ADAMTSL1: variants seen among roughly 807,000 people sequenced by gnomAD.
ADAMTSL1 encodes the protein ADAMTS like 1.
In ADAMTSL1, 126 loss-of-function variants were observed where a neutral mutation model predicts 201.8. That is an observed-to-expected ratio of 0.62 (90% CI 0.54 to 0.72). The LOEUF is 0.72. Among genes scored for constraint, ADAMTSL1 ranks in the 30% least tolerant of loss-of-function variants. The pLI is 0.00. For missense variants in ADAMTSL1, 2,679 were observed against 2,277.8 expected (o/e 1.18, Z -3.59); for synonymous variants, 1,121 against 903.4 (o/e 1.24, Z -4.32).
chr9:17,984,918 C>A (rs1449164387), intron 1 of ADAMTSL1, among the ~76,000 whole-genome samples: 1 of 152,130 alleles, frequency 6.6e-6, no homozygotes, highest in African/African-American at 2.4e-5. Flanking sequence ...TTTTCAAAAT[C>A]AATGTTTTTT....
At chr9:18,867,771 C>T (rs1435256473) in intron 23 of ADAMTSL1, among the ~76,000 whole-genome samples, 2 of 152,004 alleles carry the variant, frequency 1.3e-5, no homozygotes, top group East Asian at 3.9e-4. Context: ...GGACTACAGG[C>T]GCCTGCCACC....
At chr9:18,056,565 G>C (rs1822195568) in intron 1 of ADAMTSL1, among the ~76,000 whole-genome samples, 1 of 152,080 alleles carries the variant, frequency 6.6e-6, no homozygotes, top group Non-Finnish European at 1.5e-5. Context: ...TTGTTGGCGA[G>C]GTATATTTCT....
chr9:18,775,154 C>A (rs376963188), intron 17 of ADAMTSL1, among the ~76,000 whole-genome samples: 40 of 152,152 alleles, frequency 2.6e-4, no homozygotes, highest in African/African-American at 9.4e-4. Flanking sequence ...TTTAACAATG[C>A]ATTTGGGATT....
intron 2 of ADAMTSL1, among the ~76,000 whole-genome samples, chr9:18,168,036 T>C (rs1307816601): frequency 6.6e-6 from 1 of 152,042 alleles, no homozygotes; most frequent in Non-Finnish European, 1.5e-5. Flanking sequence ...TAACATTTAA[T>C]CGCAAATGTA....
At chr9:18,481,038 G>A (rs1322708237) in intron 1 of ADAMTSL1, among the ~76,000 whole-genome samples, 2 of 152,178 alleles carry the variant, frequency 1.3e-5, no homozygotes, top group African/African-American at 4.8e-5. Flanking sequence ...ATGCTGAGAA[G>A]CTGAAACCAG....
chr9:18,548,266 T>C (rs1351414865), intron 3 of ADAMTSL1, among the ~76,000 whole-genome samples: 1 of 152,092 alleles, frequency 6.6e-6, no homozygotes, highest in Non-Finnish European at 1.5e-5. Context: ...TCTGCCTTCC[T>C]GTTTGAGCTC....
At chr9:18,256,046 C>G (rs770265473) in intron 2 of ADAMTSL1, among the ~76,000 whole-genome samples, 2 of 152,180 alleles carry the variant, frequency 1.3e-5, no homozygotes, top group Non-Finnish European at 2.9e-5. Context: ...TTTGAAGATG[C>G]TCTTCCAACC....
intron 12 of ADAMTSL1, among the ~76,000 whole-genome samples, chr9:18,684,202 A>G (rs950291076): frequency 6.6e-6 from 1 of 152,222 alleles, no homozygotes; most frequent in African/African-American, 2.4e-5. Context: ...TTGGGGTAGT[A>G]CTGAATGAGT....
intron 6 of ADAMTSL1, among the ~76,000 whole-genome samples, chr9:18,637,905 A>G (rs1827200560): frequency 6.6e-6 from 1 of 152,140 alleles, no homozygotes. Flanking sequence ...AGATGCTCAG[A>G]TCAGGCCTAC....
chr9:18,453,962 C>T (rs2131681560), intron 2 of ADAMTSL1, among the ~76,000 whole-genome samples: 1 of 152,332 alleles, frequency 6.6e-6, no homozygotes, highest in South Asian at 2.1e-4. Flanking sequence ...GTACCAAAAT[C>T]TGTATTAGTC....
At chr9:18,506,178 G>A (rs938466910) in intron 2 of ADAMTSL1, among the ~76,000 whole-genome samples, 6 of 152,164 alleles carry the variant, frequency 3.9e-5, no homozygotes, top group Non-Finnish European at 5.9e-5. Context: ...TCGAATCAAC[G>A]AGAACCTTGA....
chr9:18,504,043 A>G (rs1822991205), intron 1 of ADAMTSL1, among the ~76,000 whole-genome samples: 1 of 151,802 alleles, frequency 6.6e-6, no homozygotes, highest in African/African-American at 2.4e-5. Context: ...AATTTGTAAA[A>G]AGGGAAATTG....
intron 23 of ADAMTSL1, among the ~76,000 whole-genome samples, chr9:18,853,918 T>TGTGTGTGTGTGTGTGTGCGCGCGC (rs139332733): frequency 2.8e-5 from 4 of 145,382 alleles, no homozygotes; most frequent in East Asian, 4.0e-4. Flanking sequence ...TGTGTGTGTG[T>TGTGTGTGTGTGTGTGTGCGCGCGC]GCGCGTGCAT....
At chr9:17,938,944 C>T (rs1365077346) in intron 1 of ADAMTSL1, among the ~76,000 whole-genome samples, 2 of 152,126 alleles carry the variant, frequency 1.3e-5, no homozygotes, top group Non-Finnish European at 2.9e-5. Context: ...CATTAAGCAG[C>T]TTCTCTGCCT....
At chr9:18,507,168 T>G (rs1179064267) in intron 2 of ADAMTSL1, among the ~76,000 whole-genome samples, 1 of 152,246 alleles carries the variant, frequency 6.6e-6, no homozygotes, top group African/African-American at 2.4e-5. Flanking sequence ...CTGTATTAAT[T>G]CTGATCCTTG....
chr9:18,905,955 G>C (rs2131623594), intron 27 of ADAMTSL1, 64 bp downstream of exon 27: 1 of 1,386,564 alleles, frequency 7.2e-7, no homozygotes, highest in Non-Finnish European at 1.0e-6. Context: ...AGATGGTGCT[G>C]AGTGAATGTT....
chr9:18,166,248 A>T lies in ADAMTSL1; in HGVS notation c.207+2267A>T, dbSNP rs139262775. Among the ~76,000 whole-genome samples the T allele has an allele frequency of 9.1e-3, 1,383 of 152,014 alleles. 26 individuals are homozygous for T. Among genetic ancestry groups the T allele is most frequent in the African/African-American group, 0.032 (1,325 of 41,512 alleles). ...TCAGGTCCCTAGGATTTAGCCCAGC[A>T]CTTGCTTCTGATAAATGCTCATTTG... On this transcript the variant is annotated intron_variant, in intron 2 of 29. Coordinates refer to the ADAMTSL1 transcript ENST00000680146.
At position 18,693,016 on chromosome 9, in the gene ADAMTSL1, G is replaced by A. The variant is rs148967223; in HGVS notation, c.1574+8216G>A. Reference sequence around the variant, plus strand: ...ATTTGGCTTTATTTGTATCTGCTACGTGGAGTGAGTAGTCTTTCTTCCTTT... The same window carrying A: ...ATTTGGCTTTATTTGTATCTGCTACATGGAGTGAGTAGTCTTTCTTCCTTT... On this transcript the variant is annotated intron_variant, in intron 13 of 28. Coordinates refer to ENST00000380548, the MANE Select transcript of ADAMTSL1 (RefSeq NM_001040272.6). Among the ~76,000 whole-genome samples the A allele has an allele frequency of 1.4e-4, 22 of 152,292 alleles. 1 individual carries two copies. The highest frequency in any genetic ancestry group is 2.9e-4 in the African/African-American group (12 of 41,560).
At chr9:18,325,988 A>G (rs746981309) in intron 2 of ADAMTSL1, among the ~76,000 whole-genome samples, 2 of 152,068 alleles carry the variant, frequency 1.3e-5, no homozygotes, top group Non-Finnish European at 2.9e-5. Context: ...TGATCCACCC[A>G]CCTTGGGCCT....
Sources: allele counts gnomAD v4.1 joint callset (sites outside exome capture counted in the v4.1 genomes callset), GRCh38; gene constraint gnomAD v4.1.1; transcripts MANE v1.5; gene names NCBI Gene and HGNC (gene_info 2026-07-23, HGNC 2026-07-21).